PTGFR: variants seen among roughly 807,000 people sequenced by gnomAD.
PTGFR encodes prostaglandin F2-alpha receptor.
PTGFR carries 15 observed loss-of-function variants against 26.2 expected under a neutral mutation model. That is an observed-to-expected ratio of 0.57 (90% CI 0.38 to 0.88). The LOEUF (loss-of-function observed/expected upper bound fraction) is 0.88. Ranked by LOEUF, PTGFR falls within the 40% of genes least tolerant of loss-of-function variation. The pLI is 0.00. For synonymous variants in PTGFR, 165 were observed against 151.1 expected, an observed-to-expected ratio of 1.09 and a Z score of -0.68; for missense variants, 369 against 427.2, an observed-to-expected ratio of 0.86 and a Z score of 1.20.
rs564148907 is a variant in PTGFR at position 78,532,753 on chromosome 1, G to C, written c.799-3653G>C. On this transcript the variant is annotated intron_variant, in intron 2 of 2. Transcript: ENST00000370757. ...TGGCTAGTAAATTCATTAATATCGA[G>C]TCACAGATATGTCACTGTAACTCCG... 6.7e-3 allele frequency among the ~76,000 whole-genome samples: 1,010 copies of C among 151,346 alleles called. 5 individuals are homozygous for C. Among genetic ancestry groups the C allele is most frequent in the Middle Eastern group, 0.034 (10 of 292 alleles).
chr1:78,497,890 T>C (rs1448346621), intron 2 of PTGFR: 1 of 1,591,402 alleles, frequency 6.3e-7, no homozygotes, highest in Non-Finnish European at 8.6e-7. Flanking sequence ...AGAATAATTT[T>C]GAATGGGAAA....
At position 78,537,204 on chromosome 1, in the gene PTGFR, G is replaced by A. The variant is rs1650679179; in HGVS notation, c.*517G>A. 1 of 152,568 alleles carries A rather than the reference G, an allele frequency of 6.6e-6. No individual in the cohort carries two copies. The highest frequency in any genetic ancestry group is 1.5e-5 in the Non-Finnish European group (1 of 68,428). The allele number at this position is 152,568 out of a possible 1,614,324, so 9.5% of individuals were successfully genotyped here. ...TGACACCCAGAATTCATGATGGTTTGTTATAACAACCTCTGCATATTCCAG... is the reference window on the plus strand; with the variant it reads ...TGACACCCAGAATTCATGATGGTTTATTATAACAACCTCTGCATATTCCAG... On this transcript the variant is annotated 3_prime_UTR_variant, in exon 3 of 3. Coordinates refer to ENST00000370757, the MANE Select transcript of PTGFR (RefSeq NM_000959.4).
At chr1:78,505,712 C>T (rs768622756) in intron 2 of PTGFR, among the ~76,000 whole-genome samples, 8 of 152,108 alleles carry the variant, frequency 5.3e-5, no homozygotes, top group Non-Finnish European at 8.8e-5. Flanking sequence ...CCCCAAAGTC[C>T]GTGACAACCA....
intron 2 of PTGFR, among the ~76,000 whole-genome samples, chr1:78,533,019 T>C (rs1007145776): frequency 6.6e-6 from 1 of 152,148 alleles, no homozygotes; most frequent in African/African-American, 2.4e-5. Context: ...TCCATTGAGC[T>C]TTGTAGTTAT....
chr1:78,538,244 T>G lies in PTGFR; in HGVS notation c.*1557T>G, dbSNP rs1185302100. On this transcript the variant is annotated 3_prime_UTR_variant, in exon 3 of 3. Transcript: ENST00000370757. ...TGCTTCTATGAATATTTCCATGTAT[T>G]TTGACTGGGGAGAGGCATGGAGAAG... 1 of 152,092 alleles carries G rather than the reference T, an allele frequency of 6.6e-6. No individual in the cohort carries two copies. Among genetic ancestry groups the G allele is most frequent in the Non-Finnish European group, 1.5e-5 (1 of 68,000 alleles). 9.4% of individuals were successfully genotyped at this position (152,092 alleles called of 1,614,324 possible).
At chr1:78,526,536 G>A (rs1297047114) in intron 2 of PTGFR, among the ~76,000 whole-genome samples, 2 of 152,176 alleles carry the variant, frequency 1.3e-5, no homozygotes, top group South Asian at 2.1e-4. Context: ...GAACCTGGAC[G>A]GCAGGATGAG....
chr1:78,523,628 T>C (rs1650299276), intron 2 of PTGFR, among the ~76,000 whole-genome samples: 1 of 152,120 alleles, frequency 6.6e-6, no homozygotes, highest in African/African-American at 2.4e-5. Context: ...TCAGATATGA[T>C]AAAGTTTTTG....
chr1:78,524,906 ATTTTTTTTTTTTTTTTTTTT>A (rs35641651), intron 2 of PTGFR, among the ~76,000 whole-genome samples: 3 of 70,524 alleles, frequency 4.3e-5, no homozygotes, highest in Admixed American at 4.3e-4. Flanking sequence ...CAAATGCAAG[ATTTTTTTTTTTTTTTTTTTT>A]TTTTTTTTTT....
chr1:78,498,003 T>C (rs1649600106), intron 2 of PTGFR: 1 of 1,287,542 alleles, frequency 7.8e-7, no homozygotes, highest in South Asian at 1.3e-5. Flanking sequence ...TTGATTTTCC[T>C]AAGGTTACTC....
intron 2 of PTGFR, among the ~76,000 whole-genome samples, chr1:78,517,583 A>G (rs1379388848): frequency 6.6e-6 from 1 of 152,164 alleles, no homozygotes; most frequent in Non-Finnish European, 1.5e-5. Flanking sequence ...ATCCAGCACA[A>G]AAACCCAATA....
At chr1:78,535,896 A>T (rs1485143037) in intron 2 of PTGFR, among the ~76,000 whole-genome samples, 1 of 152,172 alleles carries the variant, frequency 6.6e-6, no homozygotes, top group Non-Finnish European at 1.5e-5. Context: ...GTAGAAAGGG[A>T]AATAGAAAAT....
intron 2 of PTGFR, among the ~76,000 whole-genome samples, chr1:78,504,660 C>CT (rs890852251): frequency 1.3e-5 from 2 of 152,038 alleles, no homozygotes; most frequent in African/African-American, 4.8e-5. Context: ...GTATTTACCT[C>CT]TTTTTTTCTT....
chr1:78,510,352 G>A (rs961134255), intron 2 of PTGFR, among the ~76,000 whole-genome samples: 1 of 152,150 alleles, frequency 6.6e-6, no homozygotes, highest in Non-Finnish European at 1.5e-5. Context: ...CTTCTGTTGA[G>A]GTCCCAGGGA....
chr1:78,524,004 C>T (rs1227908053), intron 2 of PTGFR, among the ~76,000 whole-genome samples: 1 of 152,062 alleles, frequency 6.6e-6, no homozygotes, highest in Non-Finnish European at 1.5e-5. Flanking sequence ...TTCAGTAACT[C>T]CTTTGGAACA....
At chr1:78,529,522 T>G (rs1650454450) in intron 2 of PTGFR, among the ~76,000 whole-genome samples, 1 of 152,180 alleles carries the variant, frequency 6.6e-6, no homozygotes, top group African/African-American at 2.4e-5. Context: ...TGCCTCAAAT[T>G]CCTTTTGTGC....
intron 2 of PTGFR, among the ~76,000 whole-genome samples, chr1:78,535,325 T>C (rs1650620005): frequency 1.3e-5 from 2 of 152,154 alleles, no homozygotes; most frequent in African/African-American, 4.8e-5. Context: ...AGACTTCAGA[T>C]GCATCATCAA....
chr1:78,523,715 A>T (rs1251597635), intron 2 of PTGFR, among the ~76,000 whole-genome samples: 1 of 152,176 alleles, frequency 6.6e-6, no homozygotes, highest in Non-Finnish European at 1.5e-5. Flanking sequence ...CTTATATAAT[A>T]AAGAGATGCC....
intron 2 of PTGFR, among the ~76,000 whole-genome samples, chr1:78,514,712 A>C (rs1017809644): frequency 6.6e-5 from 10 of 152,156 alleles, no homozygotes; most frequent in African/African-American, 2.4e-4. Context: ...TTGAAATGTG[A>C]TTCCTAAAGT....
intron 2 of PTGFR, among the ~76,000 whole-genome samples, chr1:78,504,005 T>G (rs1649768876): frequency 6.6e-6 from 1 of 152,020 alleles, no homozygotes; most frequent in African/African-American, 2.4e-5. Context: ...AACAAGGCAA[T>G]TAGGGCAGCA....
Sources: gnomAD v4.1 joint callset for allele counts (sites outside exome capture counted in the v4.1 genomes callset) on GRCh38, gnomAD v4.1.1 for gene constraint, MANE v1.5 for transcripts, NCBI Gene and HGNC (gene_info 2026-07-23, HGNC 2026-07-21) for gene names.